RTN1: variants seen among roughly 807,000 people sequenced by gnomAD.
RTN1 encodes the protein reticulon-1.
A neutral mutation model predicts 65.5 loss-of-function variants in RTN1; 25 were observed. That is an observed-to-expected ratio of 0.38 (90% CI 0.28 to 0.53). RTN1 has a LOEUF of 0.53. RTN1 is among the 20% of genes least tolerant of loss of function. The pLI is 0.79. For synonymous variants in RTN1, 471 were observed against 447.6 expected, an observed-to-expected ratio of 1.05 and a Z score of -0.66; for missense variants, 983 against 1,025.4, an observed-to-expected ratio of 0.96 and a Z score of 0.57.
intron 3 of RTN1, among the ~76,000 whole-genome samples, chr14:59,649,981 C>CA (rs1245363677): frequency 1.3e-5 from 2 of 152,118 alleles, no homozygotes; most frequent in Non-Finnish European, 2.9e-5. Context: ...TTTATAATAG[C>CA]AAAGACTTGG....
intron 3 of RTN1, among the ~76,000 whole-genome samples, chr14:59,662,148 C>A (rs184862540): frequency 1.6e-3 from 238 of 148,526 alleles, no homozygotes; most frequent in African/African-American, 5.7e-3. Flanking sequence ...GGAGTGAAAT[C>A]CAGCTTTCTT....
At position 59,727,107 on chromosome 14, in the gene RTN1, G is replaced by A. The variant is rs769277478; in HGVS notation, c.1577C>T (p.Pro526Leu). 6.2e-7 allele frequency: 1 copy of A among 1,610,030 alleles called. No individual in the cohort carries two copies. Among genetic ancestry groups the A allele is most frequent in the Non-Finnish European group, 8.5e-7 (1 of 1,178,282 alleles). ...LAEPGSFLDY[P>L]STEPQPGPEL... ...GGGGCCAGGCTGGGGCTCAGTTGAG[G>A]GGTAGTCGAGGAAGGAACCCGGCTC... Residue 526 changes from proline to leucine, a missense_variant, in exon 3 of 9, where the codon CCC becomes CTC. Transcript: ENST00000267484. This position sits in a 1 kb window ranked among gnomAD's most constrained non-coding sequence, Gnocchi z 4.2.
chr14:59,750,075 T>TAGAC (rs1885417739), intron 1 of RTN1, among the ~76,000 whole-genome samples: 1 of 78,638 alleles, frequency 1.3e-5, no homozygotes, highest in East Asian at 3.6e-4. Context: ...TTATATATTA[T>TAGAC]ATATTATAGA....
chr14:59,677,568 C>T (rs1883654244), intron 3 of RTN1, among the ~76,000 whole-genome samples: 1 of 152,272 alleles, frequency 6.6e-6, no homozygotes, highest in Admixed American at 6.5e-5. Flanking sequence ...ACAGAACAAA[C>T]AAAAAGATTA....
intron 3 of RTN1, among the ~76,000 whole-genome samples, chr14:59,665,627 A>G (rs1208057977): frequency 6.6e-6 from 1 of 152,244 alleles, no homozygotes; most frequent in African/African-American, 2.4e-5. Context: ...AAATGCCCCA[A>G]TTAAAAGACA....
intron 2 of RTN1, among the ~76,000 whole-genome samples, chr14:59,743,318 T>C (rs1885150952): frequency 6.6e-6 from 1 of 152,334 alleles, no homozygotes; most frequent in South Asian, 2.1e-4. Flanking sequence ...ACATGAAGCA[T>C]GTGCCGTGTA....
At chr14:59,738,101 G>C (rs926457785) in intron 2 of RTN1, among the ~76,000 whole-genome samples, 1 of 152,114 alleles carries the variant, frequency 6.6e-6, no homozygotes, top group African/African-American at 2.4e-5. Flanking sequence ...ATAGGCATGG[G>C]CAAAGATTTC....
At chr14:59,845,345 C>T (rs965433311) in intron 1 of RTN1, among the ~76,000 whole-genome samples, 1 of 152,080 alleles carries the variant, frequency 6.6e-6, no homozygotes, top group East Asian at 1.9e-4. Flanking sequence ...TTCCTGTATC[C>T]ACATCTCACT....
chr14:59,812,055 C>T (rs1049407082), intron 1 of RTN1, among the ~76,000 whole-genome samples: 2 of 152,146 alleles, frequency 1.3e-5, no homozygotes, highest in African/African-American at 2.4e-5. Flanking sequence ...TGTGATAGCA[C>T]CTCACTGTGA....
intron 1 of RTN1, among the ~76,000 whole-genome samples, chr14:59,786,624 T>C (rs978807336): frequency 3.6e-4 from 55 of 152,056 alleles, no homozygotes; most frequent in African/African-American, 1.2e-3. Context: ...GAGTAAAAAG[T>C]ATAGGATAAA....
In RTN1 at chr14:59,774,085, T is replaced by C. The variant is rs1886007846; in HGVS notation, c.242-27604A>G. Among the ~76,000 whole-genome samples, 2 of 152,318 alleles carry C rather than the reference T, an allele frequency of 1.3e-5. No individual in the cohort carries two copies. The highest frequency in any genetic ancestry group is 4.1e-4 in the South Asian group (2 of 4,830). On this transcript the variant is annotated intron_variant, in intron 1 of 8. Transcript: ENST00000267484. The surrounding 1 kb of genome is among the most constrained non-coding windows in gnomAD (Gnocchi z 5.1). ...CCAGATTTACAAATTTGGGCAAGTA[T>C]CCACATTATGGTAAAGAGTGTCTGT...
intron 1 of RTN1, among the ~76,000 whole-genome samples, chr14:59,759,561 C>T (rs966415799): frequency 1.3e-5 from 2 of 152,070 alleles, no homozygotes; most frequent in African/African-American, 4.8e-5. Flanking sequence ...CTGTTGCTTC[C>T]AGGCTTTAGT....
chr14:59,630,710 G>A (rs901857601), intron 3 of RTN1: 9 of 1,138,598 alleles, frequency 7.9e-6, no homozygotes, highest in Non-Finnish European at 9.7e-6. Context: ...AGCGCGGCGC[G>A]GCCCCGGAGC....
At chr14:59,809,719 G>A (rs1284082384) in intron 1 of RTN1, among the ~76,000 whole-genome samples, 2 of 152,154 alleles carry the variant, frequency 1.3e-5, no homozygotes, top group African/African-American at 4.8e-5. Flanking sequence ...GACTTTTCAT[G>A]TGAAAGTCTC....
At chr14:59,742,983 A>G (rs1157805919) in intron 2 of RTN1, among the ~76,000 whole-genome samples, 1 of 152,198 alleles carries the variant, frequency 6.6e-6, no homozygotes, top group East Asian at 1.9e-4. Flanking sequence ...CTGTTGTCAT[A>G]TGACTCTGGT....
At chr14:59,675,893 T>C (rs1594672076) in intron 3 of RTN1, among the ~76,000 whole-genome samples, 1 of 152,170 alleles carries the variant, frequency 6.6e-6, no homozygotes, top group South Asian at 2.1e-4. Flanking sequence ...TGATCTGGGG[T>C]CAACATATTC....
At chr14:59,810,268 C>T (rs975156537) in intron 1 of RTN1, among the ~76,000 whole-genome samples, 2 of 152,158 alleles carry the variant, frequency 1.3e-5, no homozygotes, top group African/African-American at 4.8e-5. Flanking sequence ...TTCACTAGTA[C>T]CCTCTTAGAA....
chr14:59,727,072 G>T lies in RTN1; in HGVS notation c.1612C>A (p.Pro538Thr), dbSNP rs751537057. 1 of 1,612,402 alleles carries T rather than the reference G, an allele frequency of 6.2e-7. No homozygotes were observed. Among genetic ancestry groups the T allele is most frequent in the East Asian group, 2.2e-5 (1 of 44,798 alleles). Reference protein sequence around the residue: ...TEPQPGPELPPGDGALEPETP... With the variant: ...TEPQPGPELPTGDGALEPETP... The stretch of plus-strand genomic sequence containing the variant: ...TCAGGCTCCAGGGCTCCGTCTCCAG[G>T]GGGCAGCTCGGGGCCAGGCTGGGGC... Residue 538 changes from proline (P) to threonine (T), a missense_variant, in exon 3 of 9, where the codon CCT becomes ACT. Pro to Thr is a conservative substitution (Grantham distance 38). This residue lies in a region of RTN1 where 818 missense variants were observed against 801.8 expected (regional missense o/e 1.02). Transcript: ENST00000267484. This position sits in a 1 kb window ranked among gnomAD's most constrained non-coding sequence, Gnocchi z 4.2.
chr14:59,687,770 G>A (rs1303004625), intron 3 of RTN1, among the ~76,000 whole-genome samples: 1 of 151,656 alleles, frequency 6.6e-6, no homozygotes, highest in Non-Finnish European at 1.5e-5. Context: ...CTGGTACAGG[G>A]GGGTCCTCTT....
Sources: gnomAD v4.1 joint callset for allele counts (sites outside exome capture counted in the v4.1 genomes callset) on GRCh38, gnomAD v4.1.1 for gene constraint, gnomAD v4.1.1 regional missense constraint, Gnocchi (gnomAD v3.1) non-coding constraint, MANE v1.5 for transcripts, NCBI Gene and HGNC (gene_info 2026-07-23, HGNC 2026-07-21) for gene names.